Variants in TMTC2 observed in about 807,000 individuals in gnomAD.
TMTC2 encodes transmembrane O-mannosyltransferase targeting cadherins 2.
Under a neutral mutation model 82.4 loss-of-function variants are expected in TMTC2, and 43 were observed. That is an observed-to-expected ratio of 0.52 (90% CI 0.41 to 0.67). The LOEUF is 0.67. Among genes scored for constraint, TMTC2 ranks in the 30% least tolerant of loss-of-function variants. The probability of loss-of-function intolerance (pLI) is 0.00; values close to 1 mark genes in which losing one functional copy is unlikely to be tolerated. For synonymous variants in TMTC2, 408 were observed against 381.9 expected (o/e 1.07, Z -0.80); for missense variants, 919 against 1,012.4 (o/e 0.91, Z 1.25).
In TMTC2 at chr12:83,133,982, G is replaced by A. The variant is rs1206964118; in HGVS notation, c.*1593G>A. On this transcript the variant is annotated 3_prime_UTR_variant, in exon 12 of 12. Coordinates refer to ENST00000321196, the MANE Select transcript of TMTC2 (RefSeq NM_152588.3). The stretch of plus-strand genomic sequence containing the variant: ...TGGACATGCAAATACATCATATTAT[G>A]TTTTCTCCATATTTTATGTTTTTCT... The A allele has an allele frequency of 6.6e-6, 1 of 152,356 alleles. No homozygotes were observed. The highest frequency in any genetic ancestry group is 1.5e-5 in the Non-Finnish European group (1 of 67,984). 9.4% of individuals were successfully genotyped at this position (152,356 alleles called of 1,614,324 possible). A position where few individuals can be genotyped will look rare whatever the true frequency, so the allele number is the denominator to read the frequency against.
chr12:82,870,760 C>A (rs542584081), intron 2 of TMTC2, among the ~76,000 whole-genome samples: 2 of 152,122 alleles, frequency 1.3e-5, no homozygotes, highest in Non-Finnish European at 2.9e-5. Context: ...TTGCTGGCAA[C>A]CCTAATGTAA....
chr12:83,033,864 A>ATGTGTATATATATATATGTG (rs1165325736), intron 9 of TMTC2, among the ~76,000 whole-genome samples: 3 of 143,010 alleles, frequency 2.1e-5, no homozygotes, highest in Non-Finnish European at 1.5e-5. Context: ...ATATATGTGT[A>ATGTGTATATATATATATGTG]TGTGTATATA....
intron 8 of TMTC2, among the ~76,000 whole-genome samples, chr12:82,990,776 G>T (rs1344342540): frequency 1.3e-5 from 2 of 152,090 alleles, no homozygotes; most frequent in East Asian, 1.9e-4. Context: ...TTATTTAAGG[G>T]CTGGGGACAT....
intron 11 of TMTC2, among the ~76,000 whole-genome samples, chr12:83,126,094 C>G (rs1309201916): frequency 6.6e-6 from 1 of 152,078 alleles, no homozygotes; most frequent in Non-Finnish European, 1.5e-5. Context: ...ATCAAGATGT[C>G]TAAGTCTGAA....
intron 11 of TMTC2, among the ~76,000 whole-genome samples, chr12:83,122,236 G>A (rs1343790670): frequency 2.6e-5 from 4 of 151,696 alleles, no homozygotes; most frequent in African/African-American, 9.7e-5. Context: ...CTTACCCCAT[G>A]CTACCCACCT....
chr12:82,696,170 A>T (rs917948233), intron 1 of TMTC2, among the ~76,000 whole-genome samples: 3 of 152,260 alleles, frequency 2.0e-5, no homozygotes, highest in African/African-American at 4.8e-5. Flanking sequence ...AAAAGTTCTC[A>T]AATGATGAAG....
At chr12:82,735,455 C>T (rs1875045949) in intron 1 of TMTC2, among the ~76,000 whole-genome samples, 1 of 151,598 alleles carries the variant, frequency 6.6e-6, no homozygotes, top group South Asian at 2.1e-4. Flanking sequence ...ATGCCATTCT[C>T]CTGTCTCAGC....
chr12:82,752,517 A>G (rs1876070159), intron 1 of TMTC2, among the ~76,000 whole-genome samples: 1 of 152,018 alleles, frequency 6.6e-6, no homozygotes. Flanking sequence ...AAAGAATCTT[A>G]GGGCTGGAGT....
chr12:82,904,544 T>C (rs1383200499), intron 3 of TMTC2, among the ~76,000 whole-genome samples: 1 of 152,238 alleles, frequency 6.6e-6, no homozygotes, highest in Non-Finnish European at 1.5e-5. Context: ...GTTTATAATA[T>C]CAGGAAAATA....
intron 11 of TMTC2, among the ~76,000 whole-genome samples, chr12:83,100,556 A>G (rs1272461869): frequency 2.0e-5 from 3 of 152,172 alleles, no homozygotes; most frequent in African/African-American, 7.2e-5. Context: ...ACATACATAT[A>G]TTGTTTTGAA....
intron 8 of TMTC2, among the ~76,000 whole-genome samples, chr12:83,029,569 G>T (rs1881335843): frequency 6.6e-6 from 1 of 152,156 alleles, no homozygotes; most frequent in Admixed American, 6.6e-5. Context: ...ATATAAATTA[G>T]GAGCAGGCAG....
intron 1 of TMTC2, among the ~76,000 whole-genome samples, chr12:82,829,926 C>A (rs912047250): frequency 3.9e-5 from 6 of 152,046 alleles, no homozygotes; most frequent in Non-Finnish European, 8.8e-5. Context: ...AGATAAAAGT[C>A]CTGTGTGGCT....
intron 3 of TMTC2, among the ~76,000 whole-genome samples, chr12:82,915,173 G>A (rs1056258501): frequency 5.9e-5 from 9 of 152,092 alleles, no homozygotes; most frequent in African/African-American, 2.2e-4. Context: ...GATGCTTAAG[G>A]AGCATGGTTA....
intron 4 of TMTC2, among the ~76,000 whole-genome samples, chr12:82,953,747 AC>A (rs762972398): frequency 7.9e-5 from 12 of 152,138 alleles, no homozygotes; most frequent in Admixed American, 1.3e-4. Context: ...TATGACTGCA[AC>A]CAATGTTGGT....
intron 1 of TMTC2, among the ~76,000 whole-genome samples, chr12:82,848,988 T>A (rs1265721778): frequency 6.6e-6 from 1 of 152,012 alleles, no homozygotes; most frequent in East Asian, 1.9e-4. Context: ...GAAGGGAAGT[T>A]TGGCTTAAAT....
chr12:82,768,528 A>G (rs1352640912), intron 1 of TMTC2, among the ~76,000 whole-genome samples: 1 of 152,186 alleles, frequency 6.6e-6, no homozygotes, highest in African/African-American at 2.4e-5. Context: ...ATTAAGATGC[A>G]TTAGTGGAAT....
At chr12:83,016,366 G>A (rs559560521) in intron 8 of TMTC2, among the ~76,000 whole-genome samples, 5 of 152,296 alleles carry the variant, frequency 3.3e-5, no homozygotes, top group East Asian at 1.9e-4. Flanking sequence ...GTGAGTCAGC[G>A]TAAGTATGCC....
At chr12:82,982,872 A>T (rs916745498) in intron 7 of TMTC2, among the ~76,000 whole-genome samples, 1 of 152,052 alleles carries the variant, frequency 6.6e-6, no homozygotes, top group African/African-American at 2.4e-5. Context: ...CATGTTACAT[A>T]TTCATGATTT....
At chr12:83,011,060 C>T (rs575378161) in intron 8 of TMTC2, among the ~76,000 whole-genome samples, 231 of 152,278 alleles carry the variant, frequency 1.5e-3, no homozygotes, top group African/African-American at 5.1e-3. Context: ...ATCTTGAACT[C>T]CTGACCTCAG....
Sources: allele counts gnomAD v4.1 joint callset (sites outside exome capture counted in the v4.1 genomes callset), GRCh38; gene constraint gnomAD v4.1.1; transcripts MANE v1.5; gene names NCBI Gene and HGNC (gene_info 2026-07-23, HGNC 2026-07-21).